The following STXBP2 variants were observed in gnomAD, a reference collection of about 807,000 sequenced individuals.
STXBP2 encodes the protein syntaxin binding protein 2, also known as syntaxin-binding protein 2.
A neutral mutation model predicts 72.2 loss-of-function variants in STXBP2; 47 were observed. The ratio of observed to expected loss-of-function variants is 0.65; its 90% CI spans 0.51 to 0.83. The LOEUF is 0.83. Among genes scored for constraint, STXBP2 ranks in the 40% least tolerant of loss-of-function variants. The pLI, the probability that STXBP2 is intolerant of heterozygous loss-of-function variation, is 0.00. For missense variants in STXBP2, 702 were observed against 807.6 expected (o/e 0.87, Z 1.58); for synonymous variants, 367 against 338.7 (o/e 1.08, Z -0.92).
rs2031834877 is a variant in STXBP2 at position 7,640,747 on chromosome 19, T to A, written c.263T>A (p.Ile88Asn). 4 of 1,614,018 alleles carry A rather than the reference T, an allele frequency of 2.5e-6. No individual in the cohort carries two copies. The highest frequency in any genetic ancestry group is 2.5e-6 in the Non-Finnish European group (3 of 1,180,000). ...SPTEKSVQAL[I>N]KDFQGTPTFT... The stretch of plus-strand genomic sequence containing the variant: ...CTTCCCCAGTCGGTTCAGGCCCTGA[T>A]CAAAGACTTCCAGGGGACCCCGACT... Residue 88 changes from isoleucine to asparagine, a missense_variant, in exon 5 of 19, where the codon ATC becomes AAC. Coordinates refer to ENST00000221283, the MANE Select transcript of STXBP2 (RefSeq NM_006949.4).
the STXBP2 span, chr19:7,630,258 G>GTATCATTAAAAAAAAAA: frequency 2.2e-6 from 1 of 460,100 alleles, no homozygotes; most frequent in African/African-American, 2.0e-5. Context: ...GGGTGCTCCC[G>GTATCATTAAAAAAAAAA]GGATCTTAAG....
intron 15 of STXBP2, chr19:7,645,967 A>C: frequency 1.9e-6 from 1 of 532,366 alleles, no homozygotes; most frequent in Non-Finnish European, 3.4e-6. Context: ...CTTTGCCTTC[A>C]TACTTTGTCT....
rs781762074 is a variant in STXBP2, at chr19:7,642,566, C to CA, written c.902+30_902+31insA. The CA allele has an allele frequency of 4.3e-6, 7 of 1,609,690 alleles. No homozygotes were observed. The Admixed American group carries it at 1.2e-4, about 27-fold the overall frequency. Reference sequence around the variant, plus strand: ...GTGCACACGGGGACCGGATCCCCCCCCCACCGCCCACTGTGGGCCTGGTAG... The same window carrying CA: ...GTGCACACGGGGACCGGATCCCCCCCACCACCGCCCACTGTGGGCCTGGTAG... On this transcript the variant is annotated intron_variant, in intron 10 of 18. Coordinates refer to ENST00000221283, the MANE Select transcript of STXBP2 (RefSeq NM_006949.4). The surrounding 1 kb of genome is among the most constrained non-coding windows in gnomAD (Gnocchi z 6.0).
At position 7,637,157 on chromosome 19, in the gene STXBP2, C is replaced by A; in HGVS notation, c.8C>A (p.Pro3His). The A allele has an allele frequency of 8.1e-7, 1 of 1,242,032 alleles. No homozygotes were observed. The highest frequency in any genetic ancestry group is 4.1e-5 in the South Asian group (1 of 24,686). The allele number at this position is 1,242,032 out of a possible 1,614,324, so 76.9% of individuals were successfully genotyped here. A position where few individuals can be genotyped will look rare whatever the true frequency, so the allele number is the denominator to read the frequency against. ...CGGCGCCCCTCGGGGAAGATGGCGC[C>A]CTCGGGGCTGAAGGCGGTGGTGGGG... Reference protein sequence around the residue: MAPSGLKAVVGEK... With the variant: MAHSGLKAVVGEK... Residue 3 changes from proline to histidine, a missense_variant, in exon 1 of 19, where the codon CCC becomes CAC. Pro to His is a moderately conservative substitution (Grantham distance 77). Transcript: ENST00000221283.
chr19:7,640,139 T>A, intron 4 of STXBP2: 1 of 568,888 alleles, frequency 1.8e-6, no homozygotes, highest in Non-Finnish European at 3.3e-6. Flanking sequence ...TGTATGTGTG[T>A]GTGCATCTGT....
At chr19:7,631,589 G>A in the STXBP2 span, 3 of 1,518,818 alleles carry the variant, frequency 2.0e-6, no homozygotes, top group South Asian at 1.2e-5. Context: ...CCCCTCCCCT[G>A]ATGAAATATA....
At chr19:7,640,326 G>T (rs759672915) in intron 4 of STXBP2, 1 of 551,546 alleles carries the variant, frequency 1.8e-6, no homozygotes, top group South Asian at 1.6e-5. Context: ...CTGTGTGTGC[G>T]TGTGTATGCG....
the STXBP2 span, chr19:7,631,739 G>A: frequency 6.9e-7 from 1 of 1,448,010 alleles, no homozygotes; most frequent in Admixed American, 2.6e-5. Context: ...CGGAAGCCGA[G>A]AGCGGTCGGG....
the STXBP2 span, chr19:7,629,846 C>G: frequency 2.0e-6 from 3 of 1,535,512 alleles, no homozygotes; most frequent in African/African-American, 1.4e-5. Context: ...GGGGGTGAAG[C>G]TGGAGATATT....
rs755468730 is a variant in STXBP2, at chr19:7,638,781, G to A, written c.87+6G>A. On this transcript the variant is annotated splice_donor_region_variant and intron_variant, in intron 2 of 18. Transcript: ENST00000221283. Reference sequence around the variant, plus strand: ...AGAAGGATGGGGAGTGGAAGGTAGGGGTGAGGCAGATGGCTGGGTACCCAG... The same window carrying A: ...AGAAGGATGGGGAGTGGAAGGTAGGAGTGAGGCAGATGGCTGGGTACCCAG... 1 of 1,614,154 alleles carries A rather than the reference G, an allele frequency of 6.2e-7. No homozygotes were observed. The highest frequency in any genetic ancestry group is 1.1e-5 in the South Asian group (1 of 91,078).
upstream of STXBP2, among the ~76,000 whole-genome samples, chr19:7,635,342 C>T (rs527450239): frequency 9.8e-5 from 15 of 152,330 alleles, no homozygotes; most frequent in African/African-American, 3.1e-4. Context: ...CATTGACTTA[C>T]GCACCTTAGG....
chr19:7,633,060 G>A (rs1254289576), upstream of STXBP2: 16 of 1,366,944 alleles, frequency 1.2e-5, no homozygotes, highest in South Asian at 3.0e-5. Flanking sequence ...GCCACTTCAC[G>A]TGGTACCGCT....
chr19:7,642,456 G>T lies in STXBP2; in HGVS notation c.822G>T (p.Ala274=), dbSNP rs138099253. ...ATGAGACCACCGGGCTGAGCGAGGCGCGGGAGAAGGCCGTCTTGCTGGACG... is the reference window on the plus strand; with the variant it reads ...ATGAGACCACCGGGCTGAGCGAGGCTCGGGAGAAGGCCGTCTTGCTGGACG... ...YRYETTGLSE[A]REKAVLLDED... is the part of the protein sequence containing the mutation. The change falls in exon 10 of 19, where the codon GCG becomes GCT. Residue 274 remains alanine, a synonymous_variant. Transcript: ENST00000221283. The surrounding 1 kb of genome is among the most constrained non-coding windows in gnomAD (Gnocchi z 6.0). 3.7e-6 allele frequency: 6 copies of T among 1,614,028 alleles called. No individual in the cohort carries two copies. Among genetic ancestry groups the T allele is most frequent in the South Asian group, 1.1e-5 (1 of 91,084 alleles).
Position 7,647,157 on chromosome 19 carries a change from G to A in STXBP2, c.1453-5G>A, listed in dbSNP as rs113332946. Reference sequence around the variant, plus strand: ...TCCTCCCCTAACCTGCCTCTCGGCCGCCAGGACGCCGTGGAGGACCGGCTG... The same window carrying A: ...TCCTCCCCTAACCTGCCTCTCGGCCACCAGGACGCCGTGGAGGACCGGCTG... On this transcript the variant is annotated splice_polypyrimidine_tract_variant and splice_region_variant and intron_variant, in intron 16 of 18. Coordinates refer to ENST00000221283, the MANE Select transcript of STXBP2 (RefSeq NM_006949.4). 3.3e-5 allele frequency: 53 copies of A among 1,611,338 alleles called. No homozygotes were observed. The highest frequency in any genetic ancestry group is 3.7e-4 in the Middle Eastern group (2 of 5,418).
chr19:7,630,572 G>A, the STXBP2 span: 1 of 1,536,542 alleles, frequency 6.5e-7, no homozygotes, highest in Non-Finnish European at 8.7e-7. Flanking sequence ...TGCCATTCCA[G>A]ATGATAATCT....
chr19:7,641,953 C>T (rs976565139), intron 7 of STXBP2, 81 bp from the exon 8 acceptor site: 7 of 1,606,590 alleles, frequency 4.4e-6, no homozygotes, highest in Non-Finnish European at 6.0e-6. Flanking sequence ...CCGGCCCTAC[C>T]CTGGCCCCTG....
intron 2 of STXBP2, 99 bp from the exon 3 acceptor site, chr19:7,638,920 G>A: frequency 1.3e-6 from 2 of 1,571,132 alleles, no homozygotes; most frequent in Non-Finnish European, 1.8e-6. Flanking sequence ...CACCCAGCCA[G>A]CCCTTGAAAC....
chr19:7,639,482 C>T (rs1267529520), intron 3 of STXBP2: 2 of 588,782 alleles, frequency 3.4e-6, no homozygotes, highest in Non-Finnish European at 6.1e-6. Flanking sequence ...GGGATAGGTG[C>T]TGAGGGAGCC....
chr19:7,635,981 T>G (rs1031868852), upstream of STXBP2, among the ~76,000 whole-genome samples: 1 of 152,152 alleles, frequency 6.6e-6, no homozygotes, highest in African/African-American at 2.4e-5. Flanking sequence ...GTGTGGCTGC[T>G]TCTAGAATCC....
Sources: allele counts gnomAD v4.1 joint callset (sites outside exome capture counted in the v4.1 genomes callset), GRCh38; gene constraint gnomAD v4.1.1; non-coding constraint Gnocchi (gnomAD v3.1); transcripts MANE v1.5; gene names NCBI Gene and HGNC (gene_info 2026-07-23, HGNC 2026-07-21).